The following TTLL11 variants were observed in gnomAD, a reference collection of about 807,000 sequenced individuals.
TTLL11 encodes tubulin polyglutamylase TTLL11.
A neutral mutation model predicts 51.7 loss-of-function variants in TTLL11; 42 were observed. The ratio of observed to expected loss-of-function variants is 0.81; its 90% CI spans 0.64 to 1.05. The LOEUF is 1.05. Among genes scored for constraint, TTLL11 ranks in the 50% least tolerant of loss-of-function variants. The pLI is 0.00. For missense variants in TTLL11, 799 were observed against 940.4 expected (o/e 0.85, Z 1.97); for synonymous variants, 381 against 383.5 (o/e 0.99, Z 0.08).
chr9:121,826,215 TATGCAC>T (rs1176300544), intron 8 of TTLL11, among the ~76,000 whole-genome samples: 3 of 94,520 alleles, frequency 3.2e-5, no homozygotes, highest in African/African-American at 1.5e-4. Flanking sequence ...TATATATATA[TATGCAC>T]ACATATATAT....
At chr9:122,083,224 G>A (rs1056971386) in intron 1 of TTLL11, among the ~76,000 whole-genome samples, 3 of 151,922 alleles carry the variant, frequency 2.0e-5, no homozygotes, top group Non-Finnish European at 4.4e-5. Context: ...CTGCTTCAGC[G>A]AATCAAATCT....
chr9:121,824,030 C>T (rs1350351925), intron 8 of TTLL11, among the ~76,000 whole-genome samples: 1 of 152,242 alleles, frequency 6.6e-6, no homozygotes, highest in East Asian at 1.9e-4. Flanking sequence ...CCTCTCTGGA[C>T]TGTGCGCTTC....
intron 6 of TTLL11, among the ~76,000 whole-genome samples, chr9:121,899,378 C>CATATACATATATATATAT (rs1839669872): frequency 7.7e-6 from 1 of 130,464 alleles, no homozygotes; most frequent in Non-Finnish European, 1.6e-5. Context: ...TATATATATA[C>CATATACATATATATATAT]ATATATATAT....
intron 1 of TTLL11, among the ~76,000 whole-genome samples, chr9:122,049,740 A>G (rs1347212380): frequency 6.6e-6 from 1 of 152,176 alleles, no homozygotes; most frequent in Non-Finnish European, 1.5e-5. Flanking sequence ...TAATGGCCCA[A>G]AGAGAAATTT....
At chr9:121,941,253 G>A (rs1263721982) in intron 6 of TTLL11, among the ~76,000 whole-genome samples, 1 of 152,202 alleles carries the variant, frequency 6.6e-6, no homozygotes, top group Non-Finnish European at 1.5e-5. Context: ...ACTGCAAAAT[G>A]CCTTTTGCAC....
chr9:122,012,958 T>A (rs775907300), intron 3 of TTLL11, among the ~76,000 whole-genome samples: 1 of 152,212 alleles, frequency 6.6e-6, no homozygotes. Context: ...ATTTCACACA[T>A]ACACCTGAGG....
At chr9:122,001,092 T>C (rs1244185300) in intron 3 of TTLL11, among the ~76,000 whole-genome samples, 2 of 152,332 alleles carry the variant, frequency 1.3e-5, no homozygotes, top group East Asian at 1.9e-4. Flanking sequence ...TGTGCAACAC[T>C]GTTTTTTGGT....
intron 6 of TTLL11, among the ~76,000 whole-genome samples, chr9:121,884,362 C>T (rs1392424041): frequency 2.0e-5 from 3 of 148,640 alleles, no homozygotes; most frequent in African/African-American, 7.4e-5. Context: ...AGAAAGAAAA[C>T]AAAAGCGACT....
In TTLL11 at chr9:121,989,158, A is replaced by G; in HGVS notation, c.1269+37T>C. 2 of 1,606,658 alleles carry G rather than the reference A, an allele frequency of 1.2e-6. No homozygotes were observed. Among genetic ancestry groups the G allele is most frequent in the African/African-American group, 1.3e-5 (1 of 74,924 alleles). ...CAGAGAGCCCTCTTGAGGCCGGTCA[A>G]GGCTGGAAACGCAGGCTGGGAACTG... On this transcript the variant is annotated intron_variant, in intron 4 of 8. Coordinates refer to ENST00000321582, the MANE Select transcript of TTLL11 (RefSeq NM_001139442.2). This position sits in a 1 kb window ranked among gnomAD's most constrained non-coding sequence, Gnocchi z 4.2.
chr9:121,957,498 C>A (rs1842057380), intron 6 of TTLL11, among the ~76,000 whole-genome samples: 2 of 152,212 alleles, frequency 1.3e-5, no homozygotes, highest in Admixed American at 1.3e-4. Context: ...CTAAGCACCA[C>A]CAATTACTGA....
At chr9:122,031,687 A>G in intron 3 of TTLL11, 36 bp downstream of exon 3, 2 of 1,606,492 alleles carry the variant, frequency 1.2e-6, no homozygotes, top group Admixed American at 1.7e-5. Flanking sequence ...CAAGCATAAT[A>G]TAATTCAGGG....
intron 6 of TTLL11, among the ~76,000 whole-genome samples, chr9:121,872,990 A>T (rs1242072206): frequency 6.6e-6 from 1 of 152,256 alleles, no homozygotes; most frequent in Non-Finnish European, 1.5e-5. Flanking sequence ...CATTAAGGTT[A>T]TAGGAAGAAA....
chr9:121,951,516 T>G (rs1289053531), intron 6 of TTLL11, among the ~76,000 whole-genome samples: 1 of 152,234 alleles, frequency 6.6e-6, no homozygotes, highest in Non-Finnish European at 1.5e-5. Flanking sequence ...TTTATCTCAT[T>G]TGACCTTCTA....
chr9:121,895,999 AGT>A (rs1266449691), intron 6 of TTLL11, among the ~76,000 whole-genome samples: 2 of 18,412 alleles, frequency 1.1e-4, no homozygotes, highest in Admixed American at 9.6e-4. Context: ...GTTTTGTGTG[AGT>A]GTGTATGTGT....
At chr9:121,884,227 T>TG (rs1417949858) in intron 6 of TTLL11, among the ~76,000 whole-genome samples, 13 of 152,288 alleles carry the variant, frequency 8.5e-5, no homozygotes, top group African/African-American at 3.1e-4. Context: ...CACAGGGTCC[T>TG]GCCTCTTCAC....
rs754960892 is a variant in TTLL11, at chr9:121,994,314, G to C, written c.694-4544C>G. 2.0e-5 allele frequency among the ~76,000 whole-genome samples: 3 copies of C among 152,148 alleles called. No homozygotes were observed. The East Asian group carries it at 5.8e-4, about 29-fold the overall frequency. ...CGGCTGGAGAACATAAGAGGTGGAG[G>C]GGGTATGCACATGGAAATCCCACTA... On this transcript the variant is annotated intron_variant, in intron 3 of 8. Coordinates refer to ENST00000321582, the MANE Select transcript of TTLL11 (RefSeq NM_001139442.2).
At chr9:121,842,751 G>A (rs1253568427) in intron 8 of TTLL11, among the ~76,000 whole-genome samples, 1 of 152,096 alleles carries the variant, frequency 6.6e-6, no homozygotes, top group Non-Finnish European at 1.5e-5. Context: ...CTGCTCTCTT[G>A]GGTTAAATGA....
At chr9:121,963,875 T>C (rs1295601170) in intron 6 of TTLL11, among the ~76,000 whole-genome samples, 1 of 152,224 alleles carries the variant, frequency 6.6e-6, no homozygotes. Context: ...ATGCACATTT[T>C]TCTCATTTGC....
At chr9:121,827,646 G>C (rs539674166) in intron 8 of TTLL11, among the ~76,000 whole-genome samples, 2 of 152,312 alleles carry the variant, frequency 1.3e-5, no homozygotes, top group African/African-American at 4.8e-5. Context: ...TGAGCATATG[G>C]GCCTCTGGTC....
Sources: allele counts gnomAD v4.1 joint callset (sites outside exome capture counted in the v4.1 genomes callset), GRCh38; gene constraint gnomAD v4.1.1; non-coding constraint Gnocchi (gnomAD v3.1); transcripts MANE v1.5; gene names NCBI Gene and HGNC (gene_info 2026-07-23, HGNC 2026-07-21).